The following AKR1B1 variants were observed in gnomAD, a reference collection of about 807,000 sequenced individuals.
AKR1B1 encodes aldo-keto reductase family 1 member B1.
A neutral mutation model predicts 40.4 loss-of-function variants in AKR1B1; 22 were observed. That is an observed-to-expected ratio of 0.54 (90% CI 0.39 to 0.78). The LOEUF is 0.78. Among genes scored for constraint, AKR1B1 ranks in the 30% least tolerant of loss-of-function variants. AKR1B1 has a pLI of 0.00. For missense variants in AKR1B1, 357 were observed against 396.7 expected, an observed-to-expected ratio of 0.90 and a Z score of 0.85; for synonymous variants, 157 against 149.9, an observed-to-expected ratio of 1.05 and a Z score of -0.35.
Position 134,449,132 on chromosome 7 carries a change from GTGTC to G in AKR1B1, c.430-17_430-14del, listed in dbSNP as rs139346970. 2.8e-3 allele frequency: 4,559 copies of G among 1,613,062 alleles called. 134 individuals are homozygous for G. In the African/African-American group the frequency reaches 0.054, roughly 19 times the overall value. On this transcript the variant is annotated splice_polypyrimidine_tract_variant and intron_variant, in intron 4 of 9. Coordinates refer to ENST00000285930, the MANE Select transcript of AKR1B1 (RefSeq NM_001628.4). Reference sequence around the variant, plus strand: ...GCTCTTCCATGGCCTACAGAGAAAAGTGTCTGTGTGGTGCAGAAACGAACCCAGA... The same window carrying G: ...GCTCTTCCATGGCCTACAGAGAAAAGTGTGTGGTGCAGAAACGAACCCAGA...
intron 3 of AKR1B1, 147 bp from the exon 4 acceptor site, chr7:134,449,944 A>G: frequency 1.4e-6 from 1 of 738,200 alleles, no homozygotes; most frequent in East Asian, 2.6e-5. Context: ...GGAAATAGGC[A>G]GATAGCCAAC....
chr7:134,449,084 T>C lies in AKR1B1; in HGVS notation c.465A>G (p.Lys155=). The C allele has an allele frequency of 6.2e-7, 1 of 1,614,026 alleles. No homozygotes were observed. The highest frequency in any genetic ancestry group is 8.5e-7 in the Non-Finnish European group (1 of 1,180,004). The change falls in exon 5 of 10, where the codon AAA becomes AAG. Residue 155 remains lysine (K), a synonymous_variant. Transcript: ENST00000285930. ...MEELVDEGLV[K]AIGISNFNHL... ...GGTTGAAGTTGGAGATGCCAATAGC[T>C]TTCACCAGCCCTTCATCCACCAGCT...
chr7:134,456,974 A>G (rs1806490102), intron 1 of AKR1B1, among the ~76,000 whole-genome samples: 1 of 152,164 alleles, frequency 6.6e-6, no homozygotes, highest in South Asian at 2.1e-4. Flanking sequence ...GTCTCTACAA[A>G]AAATTAAAAA....
intron 2 of AKR1B1, 90 bp downstream of exon 2, chr7:134,451,496 A>T: frequency 6.8e-7 from 1 of 1,462,534 alleles, no homozygotes; most frequent in Non-Finnish European, 9.6e-7. Context: ...TGAAAAGTGT[A>T]GCTGTATTGA....
chr7:134,451,392 G>T, intron 2 of AKR1B1, 194 bp downstream of exon 2: 1 of 696,482 alleles, frequency 1.4e-6, no homozygotes, highest in Non-Finnish European at 2.5e-6. Flanking sequence ...GGCCCAGATG[G>T]AATGACCATT....
chr7:134,451,920 G>A (rs1806301075), intron 1 of AKR1B1, 167 bp from the exon 2 acceptor site: 1 of 729,262 alleles, frequency 1.4e-6, no homozygotes. Context: ...CTCAGACGCG[G>A]GGGATGGAAG....
Position 134,454,225 on chromosome 7 carries a change from G to A in AKR1B1, c.67-2472C>T, listed in dbSNP as rs186108336. ...CATGCCCATTCCTCCCAGAACTTCT[G>A]GCTCTGCAAAGCTCTACGTTGGGCA... On this transcript the variant is annotated intron_variant, in intron 1 of 9. Coordinates refer to ENST00000285930, the MANE Select transcript of AKR1B1 (RefSeq NM_001628.4). Among the ~76,000 whole-genome samples the A allele has an allele frequency of 5.9e-5, 9 of 152,300 alleles. No homozygotes were observed. In the East Asian group the frequency reaches 9.6e-4, roughly 16 times the overall value.
chr7:134,447,165 T>G (rs981935007), intron 8 of AKR1B1, 133 bp downstream of exon 8: 1 of 859,342 alleles, frequency 1.2e-6, no homozygotes, highest in African/African-American at 1.7e-5. Flanking sequence ...CTTGGCTTGC[T>G]CGCCACAGCT....
chr7:134,453,780 A>G (rs192023379), intron 1 of AKR1B1, among the ~76,000 whole-genome samples: 3 of 152,294 alleles, frequency 2.0e-5, no homozygotes, highest in Admixed American at 2.0e-4. Flanking sequence ...CTGGAGGGAA[A>G]AAGTCACCTC....
intron 1 of AKR1B1, among the ~76,000 whole-genome samples, chr7:134,452,066 T>C (rs185671348): frequency 1.2e-4 from 19 of 152,332 alleles, no homozygotes; most frequent in African/African-American, 4.6e-4. Flanking sequence ...AACCACTGTA[T>C]TAAAAACATT....
chr7:134,455,324 T>A (rs74437678), intron 1 of AKR1B1, among the ~76,000 whole-genome samples: 33 of 152,058 alleles, frequency 2.2e-4, no homozygotes, highest in Middle Eastern at 3.4e-3. Flanking sequence ...TGGGGCAAAT[T>A]AGGGGAAAAA....
chr7:134,448,475 G>A lies in AKR1B1; in HGVS notation c.571C>T (p.Leu191Phe), dbSNP rs2117451955. Residue 191 changes from leucine (L) to phenylalanine (F), a missense_variant, in exon 6 of 10, where the codon CTC (leucine) becomes TTC (phenylalanine). Coordinates refer to ENST00000285930, the MANE Select transcript of AKR1B1 (RefSeq NM_001628.4). The stretch of plus-strand genomic sequence containing the variant: ...TACTGGATTAACTTCTCCTGAGTGA[G>A]ATATGGGTGGCACTCAATCTGCAAA... ...AVNQIECHPY[L>F]TQEKLIQYCQ... 3.7e-6 allele frequency: 6 copies of A among 1,613,930 alleles called. 1 individual carries two copies. The South Asian group carries it at 6.6e-5, about 18-fold the overall frequency.
Position 134,449,093 on chromosome 7 carries a change from C to T in AKR1B1, c.456G>A (p.Gly152=), listed in dbSNP as rs1184696678. 7 of 1,613,792 alleles carry T rather than the reference C, an allele frequency of 4.3e-6. No individual in the cohort carries two copies. Among genetic ancestry groups the T allele is most frequent in the Non-Finnish European group, 5.9e-6 (7 of 1,180,016 alleles). Residue 152 remains glycine (G), a synonymous_variant, in exon 5 of 10, where the codon GGG becomes GGA. Transcript: ENST00000285930. ...WAAMEELVDE[G]LVKAIGISNF... is the part of the protein sequence containing the mutation. ...TGGAGATGCCAATAGCTTTCACCAG[C>T]CCTTCATCCACCAGCTCTTCCATGG... is the stretch of plus-strand genomic sequence containing the variant.
intron 5 of AKR1B1, among the ~76,000 whole-genome samples, chr7:134,448,771 T>A (rs1034802361): frequency 6.6e-6 from 1 of 152,170 alleles, no homozygotes; most frequent in Admixed American, 6.5e-5. Flanking sequence ...CATGGCTGCC[T>A]CTTTGTCAGA....
At chr7:134,445,350 C>T (rs1806062063) in intron 8 of AKR1B1, 30 bp from the exon 9 acceptor site, 1 of 1,579,694 alleles carries the variant, frequency 6.3e-7, no homozygotes, top group Non-Finnish European at 8.7e-7. Flanking sequence ...ATCCAGTAAG[C>T]TCTGCAAATA....
chr7:134,444,516 G>T (rs970302849), intron 9 of AKR1B1, among the ~76,000 whole-genome samples: 9 of 151,454 alleles, frequency 5.9e-5, no homozygotes, highest in Admixed American at 6.5e-5. Context: ...TACTAAAGGA[G>T]AGAGTGTGGA....
chr7:134,455,134 G>A (rs1806428540), intron 1 of AKR1B1, among the ~76,000 whole-genome samples: 1 of 152,100 alleles, frequency 6.6e-6, no homozygotes, highest in Admixed American at 6.5e-5. Context: ...AGTCTTTCCT[G>A]GCACATTTTC....
In AKR1B1 at chr7:134,445,411, G is replaced by A. The variant is rs1806064155; in HGVS notation, c.826-91C>T. ...GGACCCAGATGTCTTCCATGGCTTTGAGCAGAGAGGAGCGATAAGATAAAC... is the reference window on the plus strand; with the variant it reads ...GGACCCAGATGTCTTCCATGGCTTTAAGCAGAGAGGAGCGATAAGATAAAC... On this transcript the variant is annotated intron_variant, in intron 8 of 9. Coordinates refer to ENST00000285930, the MANE Select transcript of AKR1B1 (RefSeq NM_001628.4). 25 of 997,646 alleles carry A rather than the reference G, an allele frequency of 2.5e-5. No individual in the cohort carries two copies. The South Asian group carries it at 3.0e-4, about 12-fold the overall frequency. The allele number at this position is 997,646 out of a possible 1,614,324, so 61.8% of individuals were successfully genotyped here. A position where few individuals can be genotyped will look rare whatever the true frequency, so the allele number is the denominator to read the frequency against.
chr7:134,453,551 T>C (rs1358089062), intron 1 of AKR1B1, among the ~76,000 whole-genome samples: 1 of 152,056 alleles, frequency 6.6e-6, no homozygotes, highest in Non-Finnish European at 1.5e-5. Flanking sequence ...TTTTTCCTGC[T>C]TAAGATTAAA....
Sources: allele counts gnomAD v4.1 joint callset (sites outside exome capture counted in the v4.1 genomes callset), GRCh38; gene constraint gnomAD v4.1.1; transcripts MANE v1.5; gene names NCBI Gene and HGNC (gene_info 2026-07-23, HGNC 2026-07-21).